Variants in AUTS2 observed in about 807,000 individuals in gnomAD.
The protein encoded by AUTS2 is activator of transcription and developmental regulator AUTS2.
Under a neutral mutation model 112.4 loss-of-function variants are expected in AUTS2, and 17 were observed. That is an observed-to-expected ratio of 0.15 (90% CI 0.10 to 0.23). AUTS2 has a LOEUF of 0.23. Ranked by LOEUF, AUTS2 falls within the 10% of genes least tolerant of loss-of-function variation. The pLI is 1.00. For synonymous variants in AUTS2, 751 were observed against 702.7 expected (o/e 1.07, Z -1.09); for missense variants, 1,510 against 1,701.6 (o/e 0.89, Z 1.98).
intron 1 of AUTS2, among the ~76,000 whole-genome samples, chr7:69,653,907 T>G (rs1271114428): frequency 6.6e-5 from 10 of 152,196 alleles, no homozygotes; most frequent in African/African-American, 2.4e-4. Flanking sequence ...CTTCTCTCTG[T>G]CTCTACTTAG....
chr7:69,908,850 T>C (rs1170714547), intron 2 of AUTS2, among the ~76,000 whole-genome samples: 1 of 152,182 alleles, frequency 6.6e-6, no homozygotes, highest in Admixed American at 6.5e-5. Flanking sequence ...GTAGGGAACA[T>C]ACAGAATAAT....
intron 5 of AUTS2, among the ~76,000 whole-genome samples, chr7:70,550,774 G>C (rs914457546): frequency 6.6e-6 from 1 of 152,064 alleles, no homozygotes. Context: ...CATATAAAAG[G>C]GTTAGTACCC....
intron 2 of AUTS2, among the ~76,000 whole-genome samples, chr7:69,944,127 G>A (rs1040198287): frequency 2.0e-5 from 3 of 152,214 alleles, no homozygotes; most frequent in Non-Finnish European, 4.4e-5. Flanking sequence ...AGGCTGCGAT[G>A]TGGGGGAGAC....
chr7:69,770,788 C>T lies in AUTS2; in HGVS notation c.310-128498C>T, dbSNP rs150506774. ...CATTACTTTGCATAATAACTACTTC[C>T]GCTTGCTTTTTTTCCCCCCTCACCT... On this transcript the variant is annotated intron_variant, in intron 1 of 18. Transcript: ENST00000342771. Among the ~76,000 whole-genome samples the T allele has an allele frequency of 5.8e-3, 807 of 139,704 alleles. 7 individuals carry two copies. Among genetic ancestry groups the T allele is most frequent in the Admixed American group, 0.027 (362 of 13,504 alleles). The allele number at this position is 139,704 out of a possible 152,430, so 91.7% of individuals were successfully genotyped here. A position where few individuals can be genotyped will look rare whatever the true frequency, so the allele number is the denominator to read the frequency against.
At chr7:70,097,842 C>T (rs1385657454) in intron 2 of AUTS2, among the ~76,000 whole-genome samples, 4 of 152,156 alleles carry the variant, frequency 2.6e-5, no homozygotes, top group Admixed American at 2.6e-4. Context: ...CAGGCTGCTC[C>T]CTTGTAGGAT....
chr7:70,227,304 C>T, intron 4 of AUTS2, among the ~76,000 whole-genome samples: 1 of 146,574 alleles, frequency 6.8e-6, no homozygotes. Context: ...GGTCACTTTT[C>T]TCATGCATTT....
At chr7:70,518,058 G>C (rs948196915) in intron 5 of AUTS2, among the ~76,000 whole-genome samples, 9 of 152,144 alleles carry the variant, frequency 5.9e-5, no homozygotes, top group African/African-American at 2.2e-4. Context: ...CAATATCCTT[G>C]TTTGCTTCCC....
chr7:70,424,998 A>G (rs1795374151), intron 4 of AUTS2, among the ~76,000 whole-genome samples: 2 of 152,174 alleles, frequency 1.3e-5, no homozygotes, highest in South Asian at 4.1e-4. Flanking sequence ...GCACTTCAAC[A>G]ACCAGGCTTT....
chr7:69,715,136 A>C (rs1257484214), intron 1 of AUTS2, among the ~76,000 whole-genome samples: 1 of 151,926 alleles, frequency 6.6e-6, no homozygotes, highest in Non-Finnish European at 1.5e-5. Context: ...CCACCTGAGA[A>C]ATCCCTCACT....
At chr7:69,634,329 C>T (rs1794417710) in intron 1 of AUTS2, among the ~76,000 whole-genome samples, 1 of 151,886 alleles carries the variant, frequency 6.6e-6, no homozygotes, top group Non-Finnish European at 1.5e-5. Context: ...ACCGTGTTAG[C>T]CAGGATGGTC....
chr7:69,688,329 G>C (rs997434027), intron 1 of AUTS2, among the ~76,000 whole-genome samples: 11 of 152,296 alleles, frequency 7.2e-5, no homozygotes, highest in African/African-American at 2.2e-4. Context: ...TGAGGTGCTG[G>C]AATAAAATGT....
At chr7:70,700,404 T>C (rs1809387414) in intron 6 of AUTS2, among the ~76,000 whole-genome samples, 1 of 152,222 alleles carries the variant, frequency 6.6e-6, no homozygotes, top group African/African-American at 2.4e-5. Context: ...TTTTAGTTGA[T>C]GGCAGATTAT....
At chr7:70,002,547 T>G (rs1464401146) in intron 2 of AUTS2, among the ~76,000 whole-genome samples, 1 of 152,128 alleles carries the variant, frequency 6.6e-6, no homozygotes, top group Non-Finnish European at 1.5e-5. Flanking sequence ...TTAACTCTTT[T>G]GGCAGTGGCG....
chr7:70,141,314 A>G (rs1166637788), intron 4 of AUTS2, among the ~76,000 whole-genome samples: 1 of 152,134 alleles, frequency 6.6e-6, no homozygotes, highest in East Asian at 1.9e-4. Flanking sequence ...GATGGTTTGT[A>G]GAGAAGGACG....
intron 5 of AUTS2, among the ~76,000 whole-genome samples, chr7:70,527,174 T>G (rs1054600863): frequency 6.6e-6 from 1 of 152,204 alleles, no homozygotes; most frequent in Non-Finnish European, 1.5e-5. Context: ...CTCTGCCAAT[T>G]TGTTCCAACA....
At chr7:70,251,415 C>G (rs1189390347) in intron 4 of AUTS2, among the ~76,000 whole-genome samples, 1 of 152,092 alleles carries the variant, frequency 6.6e-6, no homozygotes, top group Non-Finnish European at 1.5e-5. Context: ...GTTCCCTCAC[C>G]TCTTCTCTAA....
intron 2 of AUTS2, among the ~76,000 whole-genome samples, chr7:69,956,461 T>G (rs987293710): frequency 1.3e-5 from 2 of 152,148 alleles, no homozygotes; most frequent in African/African-American, 4.8e-5. Flanking sequence ...CTAAATTGGT[T>G]TTACAATCAA....
At chr7:69,661,620 A>G (rs527937433) in intron 1 of AUTS2, among the ~76,000 whole-genome samples, 1 of 152,300 alleles carries the variant, frequency 6.6e-6, no homozygotes, top group Non-Finnish European at 1.5e-5. Context: ...GAGGCCCATG[A>G]CCAAGGGAAA....
At chr7:70,640,672 G>A (rs1805779931) in intron 5 of AUTS2, among the ~76,000 whole-genome samples, 1 of 152,078 alleles carries the variant, frequency 6.6e-6, no homozygotes, top group South Asian at 2.1e-4. Flanking sequence ...TTGAAAGACG[G>A]CTTGGTTCCC....
Sources: allele counts gnomAD v4.1 joint callset (sites outside exome capture counted in the v4.1 genomes callset), GRCh38; gene constraint gnomAD v4.1.1; transcripts MANE v1.5; gene names NCBI Gene and HGNC (gene_info 2026-07-23, HGNC 2026-07-21).